Variants in RNF213 observed in about 807,000 individuals in gnomAD.
RNF213 encodes ring finger protein 213, also known as E3 ubiquitin-protein ligase RNF213.
In RNF213, 341 loss-of-function variants were observed where a neutral mutation model predicts 514.4. The observed-to-expected ratio is 0.66, with a 90% CI of 0.61 to 0.73. The LOEUF is 0.73. Ranked by LOEUF, RNF213 falls within the 30% of genes least tolerant of loss-of-function variation. The pLI, the probability that RNF213 is intolerant of heterozygous loss-of-function variation, is 0.00. For missense variants in RNF213, 5,767 were observed against 6,615.6 expected (o/e 0.87, Z 4.45); for synonymous variants, 2,655 against 2,658.2 (o/e 1.00, Z 0.04).
rs2144563200 is a variant in RNF213, at chr17:80,377,294, T to C, written c.13510+331T>C. The C allele has an allele frequency of 2.4e-6, 1 of 410,864 alleles. No individual in the cohort carries two copies. The highest frequency in any genetic ancestry group is 2.0e-5 in the African/African-American group (1 of 49,606). 25.5% of individuals were successfully genotyped at this position (410,864 alleles called of 1,614,324 possible). The stretch of plus-strand genomic sequence containing the variant: ...TTCAAAGGCCCACCACAAAACAAAG[T>C]TTTTGACACAAAGCTCTTCTGAAAT... On this transcript the variant is annotated intron_variant, in intron 53 of 67. Transcript: ENST00000582970. This position sits in a 1 kb window ranked among gnomAD's most constrained non-coding sequence, Gnocchi z 4.1.
chr17:80,325,125 C>T lies in RNF213; in HGVS notation c.3120C>T (p.Thr1040=), dbSNP rs756413268. Residue 1040 remains threonine, a synonymous_variant, in exon 18 of 68, where the codon ACC becomes ACT. Coordinates refer to ENST00000582970, the MANE Select transcript of RNF213 (RefSeq NM_001256071.3). ...SAVITKSWPR[T]ADNFDDILKH... ...TGATCACTAAGTCCTGGCCTAGGACCGCGGACAACTTCGATGACATTTTAA... is the reference window on the plus strand; with the variant it reads ...TGATCACTAAGTCCTGGCCTAGGACTGCGGACAACTTCGATGACATTTTAA... 9 of 1,536,942 alleles carry T rather than the reference C, an allele frequency of 5.9e-6. No homozygotes were observed. The highest frequency in any genetic ancestry group is 6.1e-6 in the Non-Finnish European group (7 of 1,146,816).
chr17:80,264,442 T>C lies in RNF213; in HGVS notation c.97+664T>C, dbSNP rs1407803195. Reference sequence around the variant, plus strand: ...CATCTTGAGTCCATTCTCAATTTTGTTGGCTTCTGGGGCCTCAGACTGGTT... The same window carrying C: ...CATCTTGAGTCCATTCTCAATTTTGCTGGCTTCTGGGGCCTCAGACTGGTT... On this transcript the variant is annotated intron_variant, in intron 2 of 67. Coordinates refer to ENST00000582970, the MANE Select transcript of RNF213 (RefSeq NM_001256071.3). The surrounding 1 kb of genome is among the most constrained non-coding windows in gnomAD (Gnocchi z 5.0). Among the ~76,000 whole-genome samples, 2 of 152,126 alleles carry C rather than the reference T, an allele frequency of 1.3e-5. No individual in the cohort carries two copies. The highest frequency in any genetic ancestry group is 4.8e-5 in the African/African-American group (2 of 41,428).
intron 8 of RNF213, among the ~76,000 whole-genome samples, chr17:80,292,715 A>G (rs1053751282): frequency 3.9e-5 from 6 of 151,994 alleles, no homozygotes; most frequent in Admixed American, 2.6e-4. Context: ...CTTGACAGAC[A>G]GAGATCAAGA....
chr17:80,333,838 G>A, intron 21 of RNF213: 1 of 459,058 alleles, frequency 2.2e-6, no homozygotes, highest in Admixed American at 3.4e-5. Context: ...GTTATGTGAG[G>A]AATTGATTTT....
chr17:80,339,211 G>A lies in RNF213; in HGVS notation c.4844G>A (p.Ser1615Asn). 1.3e-6 allele frequency: 2 copies of A among 1,483,202 alleles called. No individual in the cohort carries two copies. Among genetic ancestry groups the A allele is most frequent in the Non-Finnish European group, 1.8e-6 (2 of 1,118,008 alleles). The allele number at this position is 1,483,202 out of a possible 1,614,324, so 91.9% of individuals were successfully genotyped here. Residue 1615 changes from serine (S) to asparagine (N), a missense_variant, in exon 26 of 68, where the codon AGT becomes AAT. Physicochemically the swap from Ser to Asn is conservative, Grantham distance 46. This residue lies in a region of RNF213 where 1,377 missense variants were observed against 1,635.2 expected (regional missense o/e 0.84). Transcript: ENST00000582970. ...EVERFSEVFC[S>N]VQRLSQAFID... ...GTTCTGCCTCTCCAGGTCTTCTGCA[G>A]TGTGCAGAGGCTCAGCCAGGCCTTC...
At chr17:80,283,546 C>CG (rs2044372050) in intron 3 of RNF213, among the ~76,000 whole-genome samples, 2 of 152,206 alleles carry the variant, frequency 1.3e-5, no homozygotes, top group South Asian at 4.1e-4. Context: ...CCAGCCTCCC[C>CG]GGGCTCTGCC....
rs373931475 is a variant in RNF213 at position 80,309,175 on chromosome 17, A to G, written c.2655+4A>G. ...GATTAGACTTCTATCTCTGGTGGTAAGTGGAGTCAACACACAAGGTATCAC... is the reference window on the plus strand; with the variant it reads ...GATTAGACTTCTATCTCTGGTGGTAGGTGGAGTCAACACACAAGGTATCAC... On this transcript the variant is annotated splice_donor_region_variant and intron_variant, in intron 14 of 67. Transcript: ENST00000582970. The G allele has an allele frequency of 6.2e-7, 1 of 1,614,076 alleles. No individual in the cohort carries two copies. Among genetic ancestry groups the G allele is most frequent in the Non-Finnish European group, 8.5e-7 (1 of 1,180,050 alleles).
intron 38 of RNF213, among the ~76,000 whole-genome samples, chr17:80,361,476 C>T (rs1380927935): frequency 3.9e-5 from 6 of 152,094 alleles, no homozygotes; most frequent in Non-Finnish European, 7.4e-5. Context: ...GCAGAGATCA[C>T]GCTACCCACC....
Position 80,345,735 on chromosome 17 carries a change from C to T in RNF213, c.7400C>T (p.Ala2467Val). 1.2e-6 allele frequency: 2 copies of T among 1,614,206 alleles called. No individual in the cohort carries two copies. Among genetic ancestry groups the T allele is most frequent in the South Asian group, 1.1e-5 (1 of 91,088 alleles). ...ATGATCTACTCCAGAGTCAGGGAGGCTGAAAATGTGGCCTTCGCCAATAAG... is the reference window on the plus strand; with the variant it reads ...ATGATCTACTCCAGAGTCAGGGAGGTTGAAAATGTGGCCTTCGCCAATAAG... ...ADMIYSRVREAENVAFANKDQ... is the reference protein window; with the variant it reads ...ADMIYSRVREVENVAFANKDQ... The change falls in exon 29 of 68, where the codon GCT (alanine) becomes GTT (valine). Residue 2467 changes from alanine (A) to valine (V), a missense_variant. By Grantham distance (64) the Ala-to-Val change is moderately conservative. This residue lies in a region of RNF213 where 1,377 missense variants were observed against 1,635.2 expected (regional missense o/e 0.84). Transcript: ENST00000582970. The surrounding 1 kb of genome is among the most constrained non-coding windows in gnomAD (Gnocchi z 6.0).
chr17:80,309,779 G>A (rs1364644672), intron 14 of RNF213, among the ~76,000 whole-genome samples: 2 of 151,430 alleles, frequency 1.3e-5, no homozygotes, highest in African/African-American at 2.4e-5. Flanking sequence ...TTTTTAAGAC[G>A]GGGTCTCACT....
chr17:80,374,808 T>G (rs1164531987), intron 50 of RNF213: 1 of 557,452 alleles, frequency 1.8e-6, no homozygotes, highest in Non-Finnish European at 3.3e-6. Flanking sequence ...TTGAGCTGGG[T>G]TGACAGATTT....
Position 80,343,085 on chromosome 17 carries a change from G to C in RNF213, c.5990-47G>C, listed in dbSNP as rs1296654845. On this transcript the variant is annotated intron_variant, in intron 26 of 67. Coordinates refer to ENST00000582970, the MANE Select transcript of RNF213 (RefSeq NM_001256071.3). This position sits in a 1 kb window ranked among gnomAD's most constrained non-coding sequence, Gnocchi z 4.3. Reference sequence around the variant, plus strand: ...GGCCTCCCAAAGTGCTAGGATTACAGGTGTGAGCCACCACTCCCAGCCCTA... The same window carrying C: ...GGCCTCCCAAAGTGCTAGGATTACACGTGTGAGCCACCACTCCCAGCCCTA... The C allele has an allele frequency of 1.3e-6, 2 of 1,509,480 alleles. No individual in the cohort carries two copies. Among genetic ancestry groups the C allele is most frequent in the South Asian group, 1.1e-5 (1 of 88,640 alleles). 93.5% of individuals were successfully genotyped at this position (1,509,480 alleles called of 1,614,324 possible).
rs2044917056 is a variant in RNF213 at position 80,295,745 on chromosome 17, A to G, written c.1944A>G (p.Leu648=). 6.2e-7 allele frequency: 1 copy of G among 1,614,086 alleles called. No individual in the cohort carries two copies. The highest frequency in any genetic ancestry group is 8.5e-7 in the Non-Finnish European group (1 of 1,180,038). The change falls in exon 10 of 68, where the codon CTA becomes CTG. Residue 648 remains leucine, a synonymous_variant. Coordinates refer to ENST00000582970, the MANE Select transcript of RNF213 (RefSeq NM_001256071.3). ...EGSLDWLCHL[L]TSDASSPDEF... is the part of the protein sequence containing the mutation. ...GCCTGGACTGGTTGTGTCACCTCCTAACCTCAGATGCCAGCTCACCAGATG... is the reference window on the plus strand; with the variant it reads ...GCCTGGACTGGTTGTGTCACCTCCTGACCTCAGATGCCAGCTCACCAGATG...
At chr17:80,292,925 G>C (rs1298548187) in intron 8 of RNF213, among the ~76,000 whole-genome samples, 2 of 152,106 alleles carry the variant, frequency 1.3e-5, no homozygotes, top group African/African-American at 2.4e-5. Flanking sequence ...TTGTTTTACT[G>C]TTTATGTTGT....
intron 44 of RNF213, among the ~76,000 whole-genome samples, chr17:80,369,071 G>A (rs542425565): frequency 4.9e-4 from 75 of 152,258 alleles, no homozygotes; most frequent in African/African-American, 1.6e-3. Context: ...TAGCTCTAAC[G>A]GGTGAGAGGA....
chr17:80,299,237 A>G (rs1223991511), intron 11 of RNF213, among the ~76,000 whole-genome samples: 2 of 117,414 alleles, frequency 1.7e-5, no homozygotes, highest in Non-Finnish European at 3.7e-5. Flanking sequence ...CCAGCCAGAG[A>G]GAGTGCCAGC....
chr17:80,355,822 GGA>G (rs2078790615), intron 36 of RNF213, among the ~76,000 whole-genome samples: 1 of 144,862 alleles, frequency 6.9e-6, no homozygotes, highest in Non-Finnish European at 1.5e-5. Context: ...GGGGCTTACA[GGA>G]GAAGAAGCGG....
rs868006535 is a variant in RNF213 at position 80,263,881 on chromosome 17, G to A, written c.97+103G>A. On this transcript the variant is annotated intron_variant, in intron 2 of 67. Transcript: ENST00000582970. This position sits in a 1 kb window ranked among gnomAD's most constrained non-coding sequence, Gnocchi z 4.9. The stretch of plus-strand genomic sequence containing the variant: ...AAACCCTGGGCAGCAGGCAGCTCAG[G>A]TGGGGCCGAGGTCCTCTGTGGCTAC... 4 of 925,982 alleles carry A rather than the reference G, an allele frequency of 4.3e-6. No homozygotes were observed. The highest frequency in any genetic ancestry group is 3.3e-5 in the African/African-American group (2 of 61,166). The allele number at this position is 925,982 out of a possible 1,614,324, so 57.4% of individuals were successfully genotyped here.
intron 38 of RNF213, 126 bp downstream of exon 38, chr17:80,360,332 T>G (rs1762486542): frequency 1.8e-6 from 2 of 1,111,352 alleles, no homozygotes; most frequent in African/African-American, 1.7e-5. Context: ...TTTCACACTT[T>G]GTTTGTGCAG....
Sources: gnomAD v4.1 joint callset for allele counts (sites outside exome capture counted in the v4.1 genomes callset) on GRCh38, gnomAD v4.1.1 for gene constraint, gnomAD v4.1.1 regional missense constraint, Gnocchi (gnomAD v3.1) non-coding constraint, MANE v1.5 for transcripts, NCBI Gene and HGNC (gene_info 2026-07-23, HGNC 2026-07-21) for gene names.